MB21D2: variants seen among roughly 807,000 people sequenced by gnomAD.
The protein encoded by MB21D2 is Mab-21 domain containing 2, also known as nucleotidyltransferase MB21D2.
In MB21D2, 9 loss-of-function variants were observed where a neutral mutation model predicts 33.3. The observed-to-expected ratio is 0.27, with a 90% confidence interval of 0.16 to 0.47. The LOEUF (loss-of-function observed/expected upper bound fraction) is 0.47. Ranked by LOEUF, MB21D2 falls within the 20% of genes least tolerant of loss-of-function variation. MB21D2 has a pLI of 0.99. For synonymous variants in MB21D2, 241 were observed against 236.3 expected (o/e 1.02, Z -0.18); for missense variants, 540 against 624.6 (o/e 0.86, Z 1.44).
At chr3:192,900,024 C>G (rs1175692640) in intron 1 of MB21D2, among the ~76,000 whole-genome samples, 1 of 152,070 alleles carries the variant, frequency 6.6e-6, no homozygotes, top group African/African-American at 2.4e-5. Context: ...GTGGCTCACG[C>G]CTGTAATCCC....
intron 1 of MB21D2, among the ~76,000 whole-genome samples, chr3:192,911,018 C>G: frequency 6.6e-6 from 1 of 152,208 alleles, no homozygotes; most frequent in East Asian, 1.9e-4. Context: ...GAAACTGAGG[C>G]TTAAAGTCTG....
At chr3:192,826,259 C>T (rs1712171995) in intron 1 of MB21D2, among the ~76,000 whole-genome samples, 1 of 152,198 alleles carries the variant, frequency 6.6e-6, no homozygotes, top group Non-Finnish European at 1.5e-5. Flanking sequence ...CCTTTGAGTA[C>T]AACATCCATA....
In MB21D2 at chr3:192,838,664, G is replaced by A. The variant is rs141824633; in HGVS notation, c.212-39014C>T. On this transcript the variant is annotated intron_variant, in intron 1 of 1. Transcript: ENST00000392452. ...AGGATGGTCTCAATTTCCTGACCTC[G>A]TGATCTGCCCACCTCGGCCTCCCAA... is the stretch of plus-strand genomic sequence containing the variant. Among the ~76,000 whole-genome samples, 55 of 152,150 alleles carry A rather than the reference G, an allele frequency of 3.6e-4. No individual in the cohort carries two copies. In the East Asian group the frequency reaches 9.7e-3, roughly 27 times the overall value.
intron 1 of MB21D2, among the ~76,000 whole-genome samples, chr3:192,833,856 T>C (rs1712373781): frequency 6.6e-6 from 1 of 152,206 alleles, no homozygotes; most frequent in Non-Finnish European, 1.5e-5. Flanking sequence ...CTTCTCCTTC[T>C]AGGGAAAGGT....
At chr3:192,850,947 ACAGACTCTG>A (rs1447640066) in intron 1 of MB21D2, among the ~76,000 whole-genome samples, 20 of 152,322 alleles carry the variant, frequency 1.3e-4, no homozygotes, top group African/African-American at 4.8e-4. Flanking sequence ...GGTTAAGAGC[ACAGACTCTG>A]CAGTTAAACC....
intron 1 of MB21D2, among the ~76,000 whole-genome samples, chr3:192,906,701 A>T (rs1714223269): frequency 6.6e-6 from 1 of 152,152 alleles, no homozygotes; most frequent in Non-Finnish European, 1.5e-5. Flanking sequence ...TGCATGCTTA[A>T]TTTTGTTAAA....
chr3:192,814,677 A>G (rs1243534244), intron 1 of MB21D2, among the ~76,000 whole-genome samples: 1 of 151,642 alleles, frequency 6.6e-6, no homozygotes, highest in East Asian at 1.9e-4. Flanking sequence ...CCTGGCTAAC[A>G]CGGTGAAACC....
intron 1 of MB21D2, among the ~76,000 whole-genome samples, chr3:192,904,227 C>T (rs1344695962): frequency 6.6e-6 from 1 of 152,178 alleles, no homozygotes; most frequent in Admixed American, 6.5e-5. Context: ...GACAAACACA[C>T]AGCAGGACAC....
At chr3:192,822,532 C>T (rs58526872) in intron 1 of MB21D2, among the ~76,000 whole-genome samples, 1 of 152,084 alleles carries the variant, frequency 6.6e-6, no homozygotes, top group African/African-American at 2.4e-5. Flanking sequence ...TAAGGTCCAC[C>T]ACGGGGAAGT....
intron 1 of MB21D2, among the ~76,000 whole-genome samples, chr3:192,864,193 G>A (rs73201143): frequency 0.11 from 16,131 of 152,194 alleles, 979 homozygotes; most frequent in Middle Eastern, 0.25. Flanking sequence ...GCAAGGTAGG[G>A]AAGTACTTTC....
At chr3:192,882,575 G>A (rs1000953840) in intron 1 of MB21D2, among the ~76,000 whole-genome samples, 4 of 152,084 alleles carry the variant, frequency 2.6e-5, no homozygotes, top group Admixed American at 2.6e-4. Flanking sequence ...TGATGTACCT[G>A]TGTTTCACTG....
At chr3:192,872,492 C>T (rs541583773) in intron 1 of MB21D2, among the ~76,000 whole-genome samples, 1 of 150,756 alleles carries the variant, frequency 6.6e-6, no homozygotes, top group African/African-American at 2.5e-5. Context: ...AGGAGAGTGG[C>T]GTGAACCCGG....
intron 1 of MB21D2, among the ~76,000 whole-genome samples, chr3:192,902,035 G>A (rs1714115889): frequency 6.6e-6 from 1 of 152,154 alleles, no homozygotes; most frequent in African/African-American, 2.4e-5. Context: ...TTCAAAAGGA[G>A]GCTGTAGATA....
At chr3:192,832,954 T>C (rs1279500249) in intron 1 of MB21D2, among the ~76,000 whole-genome samples, 1 of 152,176 alleles carries the variant, frequency 6.6e-6, no homozygotes, top group South Asian at 2.1e-4. Context: ...GCTATCTACC[T>C]ATGTCAAATA....
intron 1 of MB21D2, among the ~76,000 whole-genome samples, chr3:192,868,190 G>A (rs1374821032): frequency 6.6e-6 from 1 of 152,218 alleles, no homozygotes. Context: ...ATCTTCATGT[G>A]TGCCAGTGGT....
At chr3:192,823,871 AT>A (rs1276025683) in intron 1 of MB21D2, among the ~76,000 whole-genome samples, 2 of 152,220 alleles carry the variant, frequency 1.3e-5, no homozygotes, top group African/African-American at 4.8e-5. Context: ...GGAAATAATA[AT>A]TGTTTCCCAT....
chr3:192,866,021 C>T lies in MB21D2; in HGVS notation c.211+51609G>A, dbSNP rs533264412. Among the ~76,000 whole-genome samples the T allele has an allele frequency of 5.9e-4, 90 of 151,376 alleles. 1 individual carries two copies. The South Asian group carries it at 0.018, about 30-fold the overall frequency. Reference sequence around the variant, plus strand: ...CATGATTGTACCACTGTACTCTGGCCTGGGCAGCAGAGGAAGATCCTGTCT... The same window carrying T: ...CATGATTGTACCACTGTACTCTGGCTTGGGCAGCAGAGGAAGATCCTGTCT... On this transcript the variant is annotated intron_variant, in intron 1 of 1. Coordinates refer to ENST00000392452, the MANE Select transcript of MB21D2 (RefSeq NM_178496.4).
chr3:192,808,140 A>G (rs899635268), intron 1 of MB21D2, among the ~76,000 whole-genome samples: 1 of 152,166 alleles, frequency 6.6e-6, no homozygotes, highest in Non-Finnish European at 1.5e-5. Flanking sequence ...ATTTTCATAC[A>G]CAAATCATTG....
At chr3:192,875,323 T>C (rs1713406706) in intron 1 of MB21D2, among the ~76,000 whole-genome samples, 1 of 152,224 alleles carries the variant, frequency 6.6e-6, no homozygotes, top group African/African-American at 2.4e-5. Flanking sequence ...GATACTCTGC[T>C]GTTTGCTGCA....
Sources: allele counts gnomAD v4.1 joint callset (sites outside exome capture counted in the v4.1 genomes callset), GRCh38; gene constraint gnomAD v4.1.1; transcripts MANE v1.5; gene names NCBI Gene and HGNC (gene_info 2026-07-23, HGNC 2026-07-21).